The following C21orf58 variants were observed in gnomAD, a reference collection of about 807,000 sequenced individuals.
C21orf58 encodes uncharacterized protein C21orf58.
A neutral mutation model predicts 35.8 loss-of-function variants in C21orf58; 34 were observed. The observed-to-expected ratio is 0.95, with a 90% CI of 0.72 to 1.26. The LOEUF is 1.26. Ranked by LOEUF, C21orf58 falls within the 50% of genes most tolerant of loss-of-function variation. The pLI is 0.00. For missense variants in C21orf58, 440 were observed against 414.3 expected (o/e 1.06, Z -0.54); for synonymous variants, 191 against 175.8 (o/e 1.09, Z -0.68).
chr21:46,319,333 A>T (rs1034482041), intron 1 of C21orf58, among the ~76,000 whole-genome samples: 1 of 152,186 alleles, frequency 6.6e-6, no homozygotes, highest in Non-Finnish European at 1.5e-5. Flanking sequence ...GCATGAAACC[A>T]GGCCTTACCC....
intron 2 of C21orf58, chr21:46,317,496 G>A (rs532237475): frequency 2.8e-4 from 199 of 699,910 alleles, no homozygotes; most frequent in Non-Finnish European, 4.2e-4. Context: ...GTCTAGGGGC[G>A]GATGCTCTGA....
chr21:46,302,237 G>C, intron 7 of C21orf58, 83 bp from the exon 8 acceptor site: 2 of 1,432,462 alleles, frequency 1.4e-6, no homozygotes, highest in Non-Finnish European at 1.8e-6. Context: ...ACTGGGGCTG[G>C]ATCCCATGTG....
intron 5 of C21orf58, chr21:46,313,014 CT>C: frequency 1.0e-6 from 1 of 985,450 alleles, no homozygotes; most frequent in Non-Finnish European, 1.2e-6. Context: ...CTGTGTGAGG[CT>C]GCCTGGCCTT....
At chr21:46,301,075 A>T, downstream of C21orf58, 1 of 1,022,972 alleles carries the variant, frequency 9.8e-7, no homozygotes. Context: ...TTATAGCATT[A>T]GCACTCTCCC....
rs1385428591 is a variant in C21orf58, at chr21:46,302,185, C to A, written c.814-31G>T. The A allele has an allele frequency of 2.1e-6, 3 of 1,445,648 alleles. No homozygotes were observed. In the East Asian group the frequency reaches 7.7e-5, roughly 37 times the overall value. The allele number at this position is 1,445,648 out of a possible 1,614,324, so 89.6% of individuals were successfully genotyped here. A position where few individuals can be genotyped will look rare whatever the true frequency, so the allele number is the denominator to read the frequency against. On this transcript the variant is annotated intron_variant, in intron 7 of 7. Transcript: ENST00000291691. ...ACAGACGCACCTGCTGCTTAGGACG[C>A]AGCCCAGGCTGCTCCCCACCTCCAC...
chr21:46,315,136 A>C, intron 4 of C21orf58: 1 of 998,890 alleles, frequency 1.0e-6, no homozygotes, highest in Non-Finnish European at 1.4e-6. Context: ...AGCCAGTTCC[A>C]GGCCTACTTT....
At chr21:46,311,986 C>CCCAT (rs1242318311) in intron 5 of C21orf58, among the ~76,000 whole-genome samples, 1 of 89,378 alleles carries the variant, frequency 1.1e-5, no homozygotes, top group Non-Finnish European at 2.1e-5. Context: ...CATCCATCCA[C>CCCAT]CCATCCACCC....
intron 1 of C21orf58, chr21:46,322,407 C>A: frequency 1.0e-6 from 1 of 983,640 alleles, no homozygotes; most frequent in Non-Finnish European, 1.2e-6. Context: ...CAAACCTGGG[C>A]ACATCCCCTC....
intron 1 of C21orf58, 192 bp from the exon 2 acceptor site, chr21:46,318,412 C>A (rs1443383383): frequency 2.1e-6 from 3 of 1,429,986 alleles, no homozygotes; most frequent in Non-Finnish European, 2.7e-6. Context: ...GCCAGCTGGG[C>A]TTCATGGGAA....
rs953910362 is a variant in C21orf58 at position 46,323,256 on chromosome 21, C to T, written c.-518G>A. The T allele has an allele frequency of 6.6e-5, 10 of 152,352 alleles. No individual in the cohort carries two copies. Among genetic ancestry groups the T allele is most frequent in the African/African-American group, 2.4e-4 (10 of 41,470 alleles). 9.4% of individuals were successfully genotyped at this position (152,352 alleles called of 1,614,324 possible). A position where few individuals can be genotyped will look rare whatever the true frequency, so the allele number is the denominator to read the frequency against. On this transcript the variant is annotated 5_prime_UTR_variant, in exon 1 of 8. Transcript: ENST00000291691. ...GAGAGCTCCAAGACACCCAAACCTT[C>T]CGTGGTTTCCACCTCTGCAAGCTTA... is the stretch of plus-strand genomic sequence containing the variant.
At chr21:46,300,823 A>G, downstream of C21orf58, 1 of 1,263,680 alleles carries the variant, frequency 7.9e-7, no homozygotes, top group Non-Finnish European at 1.0e-6. Flanking sequence ...AAGTTTATGT[A>G]TACTACTTAA....
intron 1 of C21orf58, chr21:46,318,463 C>T: frequency 7.1e-7 from 1 of 1,400,684 alleles, no homozygotes; most frequent in Non-Finnish European, 9.3e-7. Flanking sequence ...GGGGCAGAAC[C>T]CTCAGACCTG....
At chr21:46,312,272 G>C (rs1413855323) in intron 5 of C21orf58, among the ~76,000 whole-genome samples, 2 of 152,116 alleles carry the variant, frequency 1.3e-5, no homozygotes, top group African/African-American at 2.4e-5. Context: ...GCTGAGGCCT[G>C]GTTCCACCAA....
rs1302277564 is a variant in C21orf58 at position 46,302,555 on chromosome 21, A to G, written c.743T>C (p.Leu248Pro). 1.2e-6 allele frequency: 2 copies of G among 1,609,560 alleles called. No homozygotes were observed. The highest frequency in any genetic ancestry group is 1.7e-6 in the Non-Finnish European group (2 of 1,177,050). ...IKEDMVELLL[L>P]QNAQVHQLVL... The stretch of plus-strand genomic sequence containing the variant: ...CAACTGGTGCACCTGTGCGTTCTGC[A>G]GCAGCAGCAGCTCCACCATGTCTGC... Residue 248 changes from leucine (L) to proline (P), a missense_variant, in exon 7 of 8, where the codon CTG (leucine) becomes CCG (proline). Transcript: ENST00000291691.
intron 6 of C21orf58, among the ~76,000 whole-genome samples, chr21:46,303,790 C>T (rs1248653813): frequency 2.4e-5 from 3 of 122,778 alleles, no homozygotes; most frequent in African/African-American, 9.4e-5. Flanking sequence ...CTTGCTCTGT[C>T]GCCGAGGCTG....
chr21:46,314,347 G>C lies in C21orf58; in HGVS notation c.609+369C>G, dbSNP rs557564039. ...CCCGCCTCGGCCTCCCAAAGTGCTG[G>C]GAGTAGAGATGTGAGCCACCGCACC... is the stretch of plus-strand genomic sequence containing the variant. On this transcript the variant is annotated intron_variant, in intron 5 of 7. Coordinates refer to ENST00000291691, the MANE Select transcript of C21orf58 (RefSeq NM_058180.5). Among the ~76,000 whole-genome samples, 322 of 152,270 alleles carry C rather than the reference G, an allele frequency of 2.1e-3. 6 individuals carry two copies. The highest frequency in any genetic ancestry group is 6.8e-3 in the Middle Eastern group (2 of 294).
intron 6 of C21orf58, among the ~76,000 whole-genome samples, chr21:46,305,725 G>A (rs934562463): frequency 8.6e-5 from 13 of 151,468 alleles, no homozygotes; most frequent in Non-Finnish European, 1.8e-4. Flanking sequence ...GGATCATGAG[G>A]TTAGAAGATC....
rs1431687901 is a variant in C21orf58, at chr21:46,313,937, C to G, written c.609+779G>C. On this transcript the variant is annotated intron_variant, in intron 5 of 7. Coordinates refer to ENST00000291691, the MANE Select transcript of C21orf58 (RefSeq NM_058180.5). The stretch of plus-strand genomic sequence containing the variant: ...ACCAAAGCCTTGACCTCCGGGCCCC[C>G]AGCTTCCATCCCACCTCTGGGTGCC... Among the ~76,000 whole-genome samples, 2 of 152,224 alleles carry G rather than the reference C, an allele frequency of 1.3e-5. 1 individual carries two copies. Among genetic ancestry groups the G allele is most frequent in the African/African-American group, 4.8e-5 (2 of 41,466 alleles).
chr21:46,310,812 TC>T (rs1199381320), intron 6 of C21orf58, among the ~76,000 whole-genome samples: 6 of 151,248 alleles, frequency 4.0e-5, no homozygotes, highest in Non-Finnish European at 8.9e-5. Context: ...ACTCTCTCTC[TC>T]TCTCTCTAAA....
Sources: allele counts gnomAD v4.1 joint callset (sites outside exome capture counted in the v4.1 genomes callset), GRCh38; gene constraint gnomAD v4.1.1; transcripts MANE v1.5; gene names NCBI Gene and HGNC (gene_info 2026-07-23, HGNC 2026-07-21).